WWOX: variants seen among roughly 807,000 people sequenced by gnomAD.
WWOX encodes the protein WW domain-containing oxidoreductase.
Under a neutral mutation model 46.2 loss-of-function variants are expected in WWOX, and 69 were observed. That is an observed-to-expected ratio of 1.49 (90% CI 1.23 to 1.82). The LOEUF (loss-of-function observed/expected upper bound fraction) is 1.82, where lower values mean the gene tolerates loss of function less well. WWOX is among the 40% of genes most tolerant of loss of function. The pLI is 0.00. For missense variants in WWOX, 919 were observed against 542.6 expected, an observed-to-expected ratio of 1.69 and a Z score of -6.89; for synonymous variants, 359 against 202.6, an observed-to-expected ratio of 1.77 and a Z score of -6.56.
chr16:79,005,505 C>T (rs2047173143), intron 8 of WWOX, among the ~76,000 whole-genome samples: 1 of 152,174 alleles, frequency 6.6e-6, no homozygotes, highest in South Asian at 2.1e-4. Flanking sequence ...AGGCCATCCT[C>T]TCTCTGAAAA....
intron 1 of WWOX, among the ~76,000 whole-genome samples, chr16:78,107,305 A>G (rs560118618): frequency 3.9e-5 from 6 of 152,286 alleles, no homozygotes; most frequent in East Asian, 1.9e-4. Context: ...TTATTGACCT[A>G]TGTTTTTAAT....
At chr16:78,978,754 C>G (rs1176669115) in intron 8 of WWOX, among the ~76,000 whole-genome samples, 1 of 152,202 alleles carries the variant, frequency 6.6e-6, no homozygotes, top group Non-Finnish European at 1.5e-5. Context: ...CGCATGAGAA[C>G]TCTCTCACTG....
chr16:78,844,645 G>A (rs768992307), intron 8 of WWOX, among the ~76,000 whole-genome samples: 7 of 152,176 alleles, frequency 4.6e-5, no homozygotes, highest in Non-Finnish European at 5.9e-5. Flanking sequence ...AATAATTTCC[G>A]TGCAATTAAT....
intron 8 of WWOX, among the ~76,000 whole-genome samples, chr16:79,068,864 A>AT (rs2048494277): frequency 6.7e-6 from 1 of 149,206 alleles, no homozygotes; most frequent in Non-Finnish European, 1.5e-5. Context: ...AATAATAATA[A>AT]AGAAAGCGAG....
chr16:78,222,678 G>C (rs1002766575), intron 5 of WWOX, among the ~76,000 whole-genome samples: 9 of 152,186 alleles, frequency 5.9e-5, no homozygotes, highest in African/African-American at 2.2e-4. Flanking sequence ...ATTGTTACAA[G>C]AGGAAATTGT....
chr16:79,059,199 TA>T (rs1363985920), intron 8 of WWOX, among the ~76,000 whole-genome samples: 1 of 152,252 alleles, frequency 6.6e-6, no homozygotes, highest in African/African-American at 2.4e-5. Context: ...GATTTCATCC[TA>T]AAACTCCATG....
intron 4 of WWOX, among the ~76,000 whole-genome samples, chr16:78,162,223 A>T (rs909038614): frequency 2.0e-5 from 3 of 152,178 alleles, no homozygotes; most frequent in Non-Finnish European, 4.4e-5. Flanking sequence ...TTCACTAGGT[A>T]TAGAATTCTA....
rs116689683 is a variant in WWOX, at chr16:78,147,945, G to A, written c.410-16238G>A. ...AAAGTCAAGGAACGGGGTCTCTTTG[G>A]ATGAGTGTGTGCGTGTAGAATCCTG... On this transcript the variant is annotated intron_variant, in intron 4 of 8. Coordinates refer to ENST00000566780, the MANE Select transcript of WWOX (RefSeq NM_016373.4). 4.3e-3 allele frequency among the ~76,000 whole-genome samples: 650 copies of A among 152,008 alleles called. 6 individuals are homozygous for A. Among genetic ancestry groups the A allele is most frequent in the African/African-American group, 0.015 (624 of 41,446 alleles).
intron 8 of WWOX, among the ~76,000 whole-genome samples, chr16:78,914,802 C>A (rs1397472572): frequency 6.6e-6 from 1 of 151,288 alleles, no homozygotes; most frequent in South Asian, 2.1e-4. Context: ...TGGCGTGAAC[C>A]CAGGAGGCGG....
chr16:78,598,545 T>C (rs2045545397), intron 8 of WWOX, among the ~76,000 whole-genome samples: 1 of 152,144 alleles, frequency 6.6e-6, no homozygotes. Context: ...GGGGAGAGAT[T>C]TTGACCAGGC....
chr16:79,077,092 T>A lies in WWOX; in HGVS notation c.1057-134516T>A, dbSNP rs531265600. On this transcript the variant is annotated intron_variant, in intron 8 of 8. Transcript: ENST00000566780. ...TTGTCCAGGTCTCATAGCAAAAAGG[T>A]GGCCGGATGAGGATTTGAACCCACT... Among the ~76,000 whole-genome samples the A allele has an allele frequency of 9.2e-5, 14 of 152,258 alleles. No individual in the cohort carries two copies. The South Asian group carries it at 2.7e-3, about 29-fold the overall frequency.
intron 8 of WWOX, among the ~76,000 whole-genome samples, chr16:78,513,826 G>C (rs140062849): frequency 6.6e-5 from 10 of 151,764 alleles, no homozygotes; most frequent in Non-Finnish European, 1.3e-4. Context: ...TACACGTCTT[G>C]GAATCAACCT....
At chr16:78,270,236 T>G (rs2079449051) in intron 5 of WWOX, 1 of 152,206 alleles carries the variant, frequency 6.6e-6, no homozygotes, top group Non-Finnish European at 1.5e-5. Flanking sequence ...GGGTCTCTTG[T>G]GTTTTCACAT....
chr16:78,900,708 G>C (rs750662756), intron 8 of WWOX, among the ~76,000 whole-genome samples: 1 of 152,002 alleles, frequency 6.6e-6, no homozygotes, highest in Non-Finnish European at 1.5e-5. Flanking sequence ...TTTTCATTTT[G>C]AATCAATGGA....
intron 8 of WWOX, among the ~76,000 whole-genome samples, chr16:78,582,859 T>C (rs995352607): frequency 1.2e-4 from 18 of 152,180 alleles, no homozygotes; most frequent in African/African-American, 3.6e-4. Flanking sequence ...GAGGCCCTTC[T>C]AGTGATGTAC....
At chr16:79,179,018 A>G (rs553342546) in intron 8 of WWOX, among the ~76,000 whole-genome samples, 1 of 152,186 alleles carries the variant, frequency 6.6e-6, no homozygotes, top group Non-Finnish European at 1.5e-5. Context: ...GAATCAGTCT[A>G]CTGTGCTAAA....
At chr16:78,222,912 A>G (rs1409725377) in intron 5 of WWOX, among the ~76,000 whole-genome samples, 1 of 152,184 alleles carries the variant, frequency 6.6e-6, no homozygotes, top group South Asian at 2.1e-4. Flanking sequence ...AGGAGATGCA[A>G]ATAGGCTCAG....
At chr16:78,707,839 A>C (rs895648389) in intron 8 of WWOX, among the ~76,000 whole-genome samples, 4 of 116,344 alleles carry the variant, frequency 3.4e-5, no homozygotes, top group East Asian at 4.4e-4. Flanking sequence ...TGTCTCAAAA[A>C]TATAAATAAA....
intron 6 of WWOX, among the ~76,000 whole-genome samples, chr16:78,407,212 A>T (rs958160446): frequency 6.6e-6 from 1 of 152,204 alleles, no homozygotes; most frequent in African/African-American, 2.4e-5. Context: ...ACCAGCAAAG[A>T]CTAAGAAGTT....
Sources: allele counts gnomAD v4.1 joint callset (sites outside exome capture counted in the v4.1 genomes callset), GRCh38; gene constraint gnomAD v4.1.1; transcripts MANE v1.5; gene names NCBI Gene and HGNC (gene_info 2026-07-23, HGNC 2026-07-21).